Variants in TBCB observed in about 807,000 individuals in gnomAD.
TBCB encodes the protein tubulin-folding cofactor B.
Under a neutral mutation model 29.2 loss-of-function variants are expected in TBCB, and 18 were observed. The observed-to-expected ratio is 0.62, with a 90% CI of 0.43 to 0.91. The LOEUF (loss-of-function observed/expected upper bound fraction) is 0.91. Ranked by LOEUF, TBCB falls within the 40% of genes least tolerant of loss-of-function variation. The pLI is 0.00. For missense variants in TBCB, 336 were observed against 337.6 expected (o/e 1.00, Z 0.04); for synonymous variants, 172 against 137.8 (o/e 1.25, Z -1.74).
chr19:36,115,270 A>G (rs1205225180), upstream of TBCB: 2 of 532,226 alleles, frequency 3.8e-6, no homozygotes, highest in Non-Finnish European at 6.6e-6. Context: ...TCCGGGCTTC[A>G]GTCTTCGCCG....
chr19:36,120,239 C>T (rs1300422764), intron 2 of TBCB, among the ~76,000 whole-genome samples: 1 of 152,176 alleles, frequency 6.6e-6, no homozygotes, highest in Non-Finnish European at 1.5e-5. Context: ...TACACTGAGT[C>T]CCCAGCATGA....
chr19:36,121,216 G>A (rs1229849326), intron 3 of TBCB, among the ~76,000 whole-genome samples: 4 of 151,860 alleles, frequency 2.6e-5, no homozygotes, highest in East Asian at 1.9e-4. Flanking sequence ...GAGACCGGGG[G>A]CCTCAGGGCC....
chr19:36,121,981 G>C (rs571684813), intron 4 of TBCB: 10 of 557,394 alleles, frequency 1.8e-5, no homozygotes, highest in African/African-American at 1.7e-4. Flanking sequence ...CGCGGCCTGT[G>C]CGCTTCGAAG....
chr19:36,121,977 C>T (rs901129192), intron 4 of TBCB: 65 of 565,182 alleles, frequency 1.2e-4, no homozygotes, highest in Non-Finnish European at 1.8e-4. Flanking sequence ...GGCACGCGGC[C>T]TGTGCGCTTC....
intron 2 of TBCB, among the ~76,000 whole-genome samples, chr19:36,117,399 C>T (rs1419910726): frequency 2.6e-5 from 4 of 152,170 alleles, no homozygotes; most frequent in African/African-American, 4.8e-5. Context: ...GGCCGGAATG[C>T]AGTGGTGTGA....
At chr19:36,121,496 C>G (rs754271132) in intron 3 of TBCB, 31 bp from the exon 4 acceptor site, 21 of 1,538,056 alleles carry the variant, frequency 1.4e-5, no homozygotes, top group Non-Finnish European at 1.8e-5. Context: ...CGGCCGACAC[C>G]CCAACTGACC....
At chr19:36,122,007 G>T in intron 4 of TBCB, 1 of 523,408 alleles carries the variant, frequency 1.9e-6, no homozygotes. Flanking sequence ...GGCAGTGTCA[G>T]TCGCGGTGGG....
chr19:36,122,658 G>C (rs988614866), intron 4 of TBCB, among the ~76,000 whole-genome samples: 1 of 151,712 alleles, frequency 6.6e-6, no homozygotes, highest in Non-Finnish European at 1.5e-5. Context: ...GGGAGGCTGA[G>C]GTGGGAGGAT....
intron 4 of TBCB, among the ~76,000 whole-genome samples, chr19:36,122,754 CAAAAAA>C (rs200939642): frequency 1.6e-5 from 1 of 62,798 alleles, no homozygotes; most frequent in East Asian, 3.6e-4. Context: ...ACCCTGTCTC[CAAAAAA>C]AAAAAAAAAA....
intron 4 of TBCB, chr19:36,122,063 C>T (rs1012421337): frequency 5.2e-6 from 2 of 384,820 alleles, no homozygotes; most frequent in Non-Finnish European, 9.6e-6. Flanking sequence ...ACACAGGGGG[C>T]TGTGTGAGCC....
In TBCB at chr19:36,125,536, C is replaced by A; in HGVS notation, c.620+13C>A. The A allele has an allele frequency of 6.2e-7, 1 of 1,614,144 alleles. No individual in the cohort carries two copies. Among genetic ancestry groups the A allele is most frequent in the South Asian group, 1.1e-5 (1 of 91,078 alleles). On this transcript the variant is annotated intron_variant, in intron 5 of 5. Transcript: ENST00000221855. ...AAAATGATGGCAGGTAACAAGAATTCCCACTCAGGTGTCTGTGTGTGCATT... is the reference window on the plus strand; with the variant it reads ...AAAATGATGGCAGGTAACAAGAATTACCACTCAGGTGTCTGTGTGTGCATT...
chr19:36,123,107 C>T (rs774346042), intron 4 of TBCB, among the ~76,000 whole-genome samples: 5 of 152,140 alleles, frequency 3.3e-5, no homozygotes, highest in African/African-American at 4.8e-5. Flanking sequence ...AAGTTTCATC[C>T]GTGGCATGCC....
chr19:36,119,738 CA>C (rs942305871), intron 2 of TBCB, among the ~76,000 whole-genome samples: 37 of 152,128 alleles, frequency 2.4e-4, no homozygotes, highest in African/African-American at 8.2e-4. Context: ...CTTAAAAATA[CA>C]AAAATTAGCC....
At chr19:36,114,993 C>T (rs1019163884), upstream of TBCB, 3 of 825,002 alleles carry the variant, frequency 3.6e-6, no homozygotes, top group African/African-American at 5.1e-5. This position sits in a 1 kb window ranked among gnomAD's most constrained non-coding sequence, Gnocchi z 4.5. Flanking sequence ...CCCGCCGCCT[C>T]GGGCTCGGCT....
In TBCB at chr19:36,115,593, G is replaced by T; in HGVS notation, c.33G>T (p.Val11=). Residue 11 remains valine, a synonymous_variant, in exon 1 of 6, where the codon GTG becomes GTT. Coordinates refer to ENST00000221855, the MANE Select transcript of TBCB (RefSeq NM_001281.3). ...TGACGGGGGTGTCGGCACCCACGGT[G>T]ACCGTTTTCATCAGCAGCTCCCTCA... is the stretch of plus-strand genomic sequence containing the variant. The part of the protein sequence containing the change: MEVTGVSAPT[V]TVFISSSLNT... The T allele has an allele frequency of 6.2e-7, 1 of 1,610,296 alleles. No individual in the cohort carries two copies. Among genetic ancestry groups the T allele is most frequent in the South Asian group, 1.1e-5 (1 of 90,318 alleles).
intron 4 of TBCB, among the ~76,000 whole-genome samples, chr19:36,123,509 C>T (rs1477727863): frequency 6.6e-6 from 1 of 152,132 alleles, no homozygotes; most frequent in Non-Finnish European, 1.5e-5. Context: ...AAGTGATCGT[C>T]CTGCTTCAGC....
chr19:36,115,808 C>A, intron 1 of TBCB, 134 bp downstream of exon 1: 2 of 1,108,510 alleles, frequency 1.8e-6, no homozygotes, highest in Non-Finnish European at 2.6e-6. Flanking sequence ...GGCTGGGGAC[C>A]CGGTCGCGGC....
intron 4 of TBCB, chr19:36,122,111 A>G: frequency 3.4e-6 from 1 of 291,230 alleles, no homozygotes; most frequent in Non-Finnish European, 6.6e-6. Flanking sequence ...ATCTGAAGGA[A>G]AGGAGGCAGC....
intron 4 of TBCB, among the ~76,000 whole-genome samples, chr19:36,125,040 T>TGCTAACAAA (rs1974114307): frequency 6.6e-6 from 1 of 152,176 alleles, no homozygotes; most frequent in Non-Finnish European, 1.5e-5. Context: ...TGTATTAGTT[T>TGCTAACAAA]GCTAACAAAG....
Sources: gnomAD v4.1 joint callset for allele counts (sites outside exome capture counted in the v4.1 genomes callset) on GRCh38, gnomAD v4.1.1 for gene constraint, Gnocchi (gnomAD v3.1) non-coding constraint, MANE v1.5 for transcripts, NCBI Gene and HGNC (gene_info 2026-07-23, HGNC 2026-07-21) for gene names.